Variants in CCNY observed in about 807,000 individuals in gnomAD.
CCNY encodes cyclin Y, also known as cyclin-Y.
In CCNY, 19 loss-of-function variants were observed where a neutral mutation model predicts 42.8. That is an observed-to-expected ratio of 0.44 (90% CI 0.31 to 0.65). The LOEUF (loss-of-function observed/expected upper bound fraction) is 0.65, where lower values mean the gene tolerates loss of function less well. Among genes scored for constraint, CCNY ranks in the 30% least tolerant of loss-of-function variants. CCNY has a pLI of 0.07. For missense variants in CCNY, 370 were observed against 437.3 expected, an observed-to-expected ratio of 0.85 and a Z score of 1.37; for synonymous variants, 165 against 162.7, an observed-to-expected ratio of 1.01 and a Z score of -0.11.
At chr10:35,448,560 A>G (rs949316374) in intron 1 of CCNY, among the ~76,000 whole-genome samples, 9 of 152,196 alleles carry the variant, frequency 5.9e-5, no homozygotes, top group African/African-American at 1.7e-4. Context: ...CAGTGCTTAT[A>G]TAAAGGGATG....
chr10:35,555,499 A>G (rs914916542), intron 8 of CCNY, among the ~76,000 whole-genome samples: 1 of 152,184 alleles, frequency 6.6e-6, no homozygotes, highest in Non-Finnish European at 1.5e-5. Flanking sequence ...CAGCTATCCT[A>G]TATTGAGTAC....
At chr10:35,328,073 T>C (rs150638168) in intron 3 of CCNY, among the ~76,000 whole-genome samples, 1 of 152,310 alleles carries the variant, frequency 6.6e-6, no homozygotes, top group East Asian at 1.9e-4. Context: ...TGTGTGAATA[T>C]TCCAAATACC....
At chr10:35,509,255 T>C (rs1231903861) in intron 3 of CCNY, among the ~76,000 whole-genome samples, 1 of 152,158 alleles carries the variant, frequency 6.6e-6, no homozygotes, top group Non-Finnish European at 1.5e-5. Context: ...TAATTGATCC[T>C]GCTAAAAGCT....
At chr10:35,376,976 G>T (rs889274235) in intron 1 of CCNY, among the ~76,000 whole-genome samples, 6 of 152,090 alleles carry the variant, frequency 3.9e-5, no homozygotes, top group African/African-American at 1.2e-4. Flanking sequence ...ACATAGCAGT[G>T]ATGATTGTAC....
intron 7 of CCNY, among the ~76,000 whole-genome samples, chr10:35,545,027 G>A (rs141463947): frequency 6.4e-4 from 97 of 152,274 alleles, no homozygotes; most frequent in Non-Finnish European, 1.2e-3. Flanking sequence ...GTGTGTGCAC[G>A]CATGTACACT....
At chr10:35,561,705 TG>T (rs1286245425) in intron 8 of CCNY, among the ~76,000 whole-genome samples, 1 of 152,266 alleles carries the variant, frequency 6.6e-6, no homozygotes, top group Non-Finnish European at 1.5e-5. Flanking sequence ...GCTAATCTCC[TG>T]CTCAAGAATT....
intron 1 of CCNY, among the ~76,000 whole-genome samples, chr10:35,454,614 G>A (rs1838990232): frequency 6.6e-6 from 1 of 152,236 alleles, no homozygotes; most frequent in African/African-American, 2.4e-5. Context: ...CGGGTTTTGT[G>A]AACCTCAGCG....
intron 1 of CCNY, chr10:35,394,809 T>C (rs1837487277): frequency 1.0e-6 from 1 of 984,020 alleles, no homozygotes. Flanking sequence ...CATATTCTCC[T>C]GTTTAGGTGA....
chr10:35,414,515 G>T (rs577545859), intron 1 of CCNY, among the ~76,000 whole-genome samples: 1 of 152,328 alleles, frequency 6.6e-6, no homozygotes, highest in Non-Finnish European at 1.5e-5. Context: ...GACATCACCT[G>T]TGCCCTATTC....
intron 2 of CCNY, among the ~76,000 whole-genome samples, chr10:35,497,897 A>G (rs188177365): frequency 1.1e-3 from 164 of 152,224 alleles, no homozygotes; most frequent in African/African-American, 3.6e-3. Flanking sequence ...TGTTAGGACT[A>G]AGGCAGCACC....
intron 1 of CCNY, among the ~76,000 whole-genome samples, chr10:35,371,743 A>T (rs1006826331): frequency 6.6e-6 from 1 of 152,188 alleles, no homozygotes; most frequent in Non-Finnish European, 1.5e-5. Context: ...TCTGTGAGGC[A>T]CGGGGAGAAG....
intron 4 of CCNY, among the ~76,000 whole-genome samples, chr10:35,523,686 C>T (rs936666401): frequency 6.6e-6 from 1 of 152,120 alleles, no homozygotes; most frequent in African/African-American, 2.4e-5. Flanking sequence ...GCCAGAGGAC[C>T]TCTTACTAGG....
upstream of CCNY, among the ~76,000 whole-genome samples, chr10:35,335,460 G>T (rs1038328449): frequency 1.3e-5 from 2 of 152,054 alleles, no homozygotes; most frequent in African/African-American, 2.4e-5. Context: ...GGGACCCCAA[G>T]ATTTATTTCA....
At chr10:35,429,955 A>G in intron 1 of CCNY, among the ~76,000 whole-genome samples, 1 of 152,320 alleles carries the variant, frequency 6.6e-6, no homozygotes, top group African/African-American at 2.4e-5. Context: ...ATGAAATGAA[A>G]GAACAGCTTT....
chr10:35,494,234 A>ACC (rs3067564), intron 2 of CCNY, among the ~76,000 whole-genome samples: 52,548 of 109,138 alleles, frequency 0.48, 14,662 homozygotes, highest in Middle Eastern at 0.58. Flanking sequence ...GCATAGTGAG[A>ACC]CCCCCCCCCC....
At chr10:35,419,533 C>CTTTTTTTTTTTGTTTTTTTTTTT (rs1838109276) in intron 1 of CCNY, among the ~76,000 whole-genome samples, 1 of 129,686 alleles carries the variant, frequency 7.7e-6, no homozygotes, top group African/African-American at 3.2e-5. Flanking sequence ...TAGACCGTTC[C>CTTTTTTTTTTTGTTTTTTTTTTT]TTTTTTTTTT....
At chr10:35,349,866 T>C (rs1455548557) in intron 1 of CCNY, among the ~76,000 whole-genome samples, 1 of 152,200 alleles carries the variant, frequency 6.6e-6, no homozygotes, top group African/African-American at 2.4e-5. Flanking sequence ...TGCCTGAAAA[T>C]CAGTGCCTTA....
At chr10:35,405,781 A>G (rs1837745770) in intron 1 of CCNY, among the ~76,000 whole-genome samples, 1 of 152,246 alleles carries the variant, frequency 6.6e-6, no homozygotes, top group Non-Finnish European at 1.5e-5. Flanking sequence ...GTCAGTCTTC[A>G]GCCACTAAGC....
chr10:35,357,798 GT>G (rs1441006360), intron 1 of CCNY, among the ~76,000 whole-genome samples: 1 of 152,128 alleles, frequency 6.6e-6, no homozygotes, highest in Non-Finnish European at 1.5e-5. Flanking sequence ...TCCATTGACG[GT>G]TTTTTAGGTC....
Sources: gnomAD v4.1 joint callset for allele counts (sites outside exome capture counted in the v4.1 genomes callset) on GRCh38, gnomAD v4.1.1 for gene constraint, MANE v1.5 for transcripts, NCBI Gene and HGNC (gene_info 2026-07-23, HGNC 2026-07-21) for gene names.